Variants in KLHL36 observed in about 807,000 individuals in gnomAD.
The protein encoded by KLHL36 is kelch like family member 36, also known as kelch-like protein 36.
Under a neutral mutation model 53.3 loss-of-function variants are expected in KLHL36, and 35 were observed. The ratio of observed to expected loss-of-function variants is 0.66; its 90% CI spans 0.50 to 0.87. KLHL36 has a LOEUF of 0.87. KLHL36 is among the 40% of genes least tolerant of loss of function. The pLI is 0.00. For missense variants in KLHL36, 864 were observed against 897.6 expected, an observed-to-expected ratio of 0.96 and a Z score of 0.48; for synonymous variants, 472 against 398.9, an observed-to-expected ratio of 1.18 and a Z score of -2.18.
At position 84,661,507 on chromosome 16, in the gene KLHL36, C is replaced by A. The variant is rs1294334988; in HGVS notation, c.1296-71C>A. ...TGGCCCTCTAAGACGGCAGGCTGTT[C>A]CCCGGCTCGGAGGGGGTAAGCCTGG... On this transcript the variant is annotated intron_variant, in intron 4 of 4. Transcript: ENST00000564996. This position sits in a 1 kb window ranked among gnomAD's most constrained non-coding sequence, Gnocchi z 7.9. 4 of 1,455,964 alleles carry A rather than the reference C, an allele frequency of 2.7e-6. No homozygotes were observed. The Admixed American group carries it at 8.7e-5, about 32-fold the overall frequency. The allele number at this position is 1,455,964 out of a possible 1,614,324, so 90.2% of individuals were successfully genotyped here.
chr16:84,656,884 C>G lies in KLHL36; in HGVS notation c.77C>G (p.Ala26Gly). 1 of 1,608,112 alleles carries G rather than the reference C, an allele frequency of 6.2e-7. No homozygotes were observed. The highest frequency in any genetic ancestry group is 8.5e-7 in the Non-Finnish European group (1 of 1,176,996). The change falls in exon 3 of 5, where the codon GCC becomes GGC. Residue 26 changes from alanine (A) to glycine (G), a missense_variant. Ala to Gly is a moderately conservative substitution (Grantham distance 60). Transcript: ENST00000564996. The part of the protein sequence containing the change: ...ISESSKVYRW[A>G]DHSSTVLQRL... The stretch of plus-strand genomic sequence containing the variant: ...TTCTCTGTCCAGGTATACCGCTGGG[C>G]CGACCACTCAAGCACGGTGCTGCAG...
intron 2 of KLHL36, among the ~76,000 whole-genome samples, chr16:84,651,606 C>T (rs942324844): frequency 6.6e-6 from 1 of 152,134 alleles, no homozygotes; most frequent in Non-Finnish European, 1.5e-5. Flanking sequence ...TATAAATATT[C>T]GTAATGCCCT....
rs371824599 is a variant in KLHL36, at chr16:84,657,360, C to T, written c.553C>T (p.Leu185=). The T allele has an allele frequency of 5.3e-5, 85 of 1,611,744 alleles. 1 individual carries two copies. The highest frequency in any genetic ancestry group is 6.8e-5 in the Non-Finnish European group (80 of 1,180,036). Residue 185 remains leucine (L), a synonymous_variant, in exon 3 of 5, where the codon CTG becomes TTG. Coordinates refer to ENST00000564996, the MANE Select transcript of KLHL36 (RefSeq NM_024731.4). ...CACGCTGTCCTTTACGCCCGACTTC[C>T]TGCAGAACGTCTCCATGCAGAAGCT... The part of the protein sequence containing the change: ...FGTLSFTPDF[L]QNVSMQKLCV...
In KLHL36 at chr16:84,657,914, G is replaced by A. The variant is rs1907320354; in HGVS notation, c.1107G>A (p.Arg369=). Residue 369 remains arginine (R), a synonymous_variant, in exon 3 of 5, where the codon AGG becomes AGA. Coordinates refer to ENST00000564996, the MANE Select transcript of KLHL36 (RefSeq NM_024731.4). ...ATGCGGCCTCCAATCTTCTTTATAGGTATGACCCCCGCTGTAAACAGTGGA... is the reference window on the plus strand; with the variant it reads ...ATGCGGCCTCCAATCTTCTTTATAGATATGACCCCCGCTGTAAACAGTGGA... ...GGDAASNLLY[R]YDPRCKQWIK... The A allele has an allele frequency of 6.5e-7, 1 of 1,536,106 alleles. No individual in the cohort carries two copies. Among genetic ancestry groups the A allele is most frequent in the Admixed American group, 2.1e-5 (1 of 48,302 alleles).
intron 2 of KLHL36, among the ~76,000 whole-genome samples, chr16:84,652,593 A>G (rs377517142): frequency 1.8e-4 from 28 of 152,274 alleles, no homozygotes; most frequent in African/African-American, 6.7e-4. Context: ...TATTTTTAAA[A>G]AGTGTACCCA....
rs7184873 is a variant in KLHL36 at position 84,662,779 on chromosome 16, A to G, written c.*646A>G. The G allele has an allele frequency of 0.63, 95,866 of 152,080 alleles. 30,447 individuals carry two copies. Among genetic ancestry groups the G allele is most frequent in the South Asian group, 0.66 (3,166 of 4,824 alleles). 9.4% of individuals were successfully genotyped at this position (152,080 alleles called of 1,614,324 possible). A position where few individuals can be genotyped will look rare whatever the true frequency, so the allele number is the denominator to read the frequency against. On this transcript the variant is annotated 3_prime_UTR_variant, in exon 5 of 5. Coordinates refer to ENST00000564996, the MANE Select transcript of KLHL36 (RefSeq NM_024731.4). ...AGCTCGCTAGACTGTCAGATGAGACATGATGACTTCCCGCTGGGGAGCTGT... is the reference window on the plus strand; with the variant it reads ...AGCTCGCTAGACTGTCAGATGAGACGTGATGACTTCCCGCTGGGGAGCTGT...
At chr16:84,652,648 T>C (rs997918164) in intron 2 of KLHL36, among the ~76,000 whole-genome samples, 1 of 152,168 alleles carries the variant, frequency 6.6e-6, no homozygotes, top group African/African-American at 2.4e-5. Flanking sequence ...AGCACCCAGA[T>C]GGGTAAAAAA....
In KLHL36 at chr16:84,656,974, G is replaced by A. The variant is rs750849986; in HGVS notation, c.167G>A (p.Arg56His). ...GTCGTCCTGGTGGCCGATGAGCAGC[G>A]TGTGCCAGCCCATCGCAACCTGCTG... is the stretch of plus-strand genomic sequence containing the variant. Reference protein sequence around the residue: ...CDVVLVADEQRVPAHRNLLAV... With the variant: ...CDVVLVADEQHVPAHRNLLAV... The change falls in exon 3 of 5, where the codon CGT becomes CAT. Residue 56 changes from arginine (R) to histidine (H), a missense_variant. Arg to His is a conservative substitution (Grantham distance 29). Transcript: ENST00000564996. 1.4e-5 allele frequency: 23 copies of A among 1,613,942 alleles called. No individual in the cohort carries two copies. Among genetic ancestry groups the A allele is most frequent in the South Asian group, 8.8e-5 (8 of 91,090 alleles).
rs759836749 is a variant in KLHL36 at position 84,657,412 on chromosome 16, T to C, written c.605T>C (p.Val202Ala). 6.2e-7 allele frequency: 1 copy of C among 1,606,650 alleles called. No individual in the cohort carries two copies. Among genetic ancestry groups the C allele is most frequent in the Non-Finnish European group, 8.5e-7 (1 of 1,179,976 alleles). Residue 202 changes from valine to alanine, a missense_variant, in exon 3 of 5, where the codon GTG (valine) becomes GCG (alanine). Physicochemically the swap from Val to Ala is moderately conservative, Grantham distance 64 (BLOSUM62 0). Transcript: ENST00000564996. Reference sequence around the variant, plus strand: ...TGTGTCTACCTGAGCAGCAGCGAGGTGCAGCGGGAGTGTGAGCACGACCTC... The same window carrying C: ...TGTGTCTACCTGAGCAGCAGCGAGGCGCAGCGGGAGTGTGAGCACGACCTC... ...KLCVYLSSSE[V>A]QRECEHDLLQ...
chr16:84,653,286 C>T (rs1002812841), intron 2 of KLHL36, among the ~76,000 whole-genome samples: 1 of 152,128 alleles, frequency 6.6e-6, no homozygotes, highest in African/African-American at 2.4e-5. Flanking sequence ...GTACCTGCCG[C>T]CTCCTCCCAG....
At position 84,659,801 on chromosome 16, in the gene KLHL36, C is replaced by T. The variant is rs576234334; in HGVS notation, c.1179C>T (p.Ala393=). The T allele has an allele frequency of 2.5e-6, 4 of 1,614,202 alleles. No individual in the cohort carries two copies. The highest frequency in any genetic ancestry group is 2.2e-5 in the East Asian group (1 of 44,884). ...MNQRRVDFYL[A]SIEDMLVAIG... is the part of the protein sequence containing the mutation. ...AGCGCCGTGTGGATTTCTACCTTGC[C>T]TCCATCGAAGACATGCTGGTGGCCA... is the stretch of plus-strand genomic sequence containing the variant. The change falls in exon 4 of 5, where the codon GCC becomes GCT. Residue 393 remains alanine (A), a synonymous_variant. Transcript: ENST00000564996.
chr16:84,657,343 C>G lies in KLHL36; in HGVS notation c.536C>G (p.Ser179Cys). The part of the protein sequence containing the change: ...GFILNHFGTL[S>C]FTPDFLQNVS... ...ATCCTGAACCACTTCGGCACGCTGT[C>G]CTTTACGCCCGACTTCCTGCAGAAC... The change falls in exon 3 of 5, where the codon TCC (serine) becomes TGC (cysteine). Residue 179 changes from serine to cysteine, a missense_variant. Coordinates refer to ENST00000564996, the MANE Select transcript of KLHL36 (RefSeq NM_024731.4). 1.2e-6 allele frequency: 2 copies of G among 1,612,934 alleles called. No individual in the cohort carries two copies. Among genetic ancestry groups the G allele is most frequent in the African/African-American group, 2.7e-5 (2 of 75,054 alleles).
rs776638652 is a variant in KLHL36 at position 84,661,806 on chromosome 16, G to T, written c.1524G>T (p.Met508Ile). ...IGGSDDNIES[M>I]ERFDVLGVEA... ...GCAGCGATGACAACATCGAGTCCAT[G>T]GAGCGCTTCGACGTGCTGGGCGTGG... Residue 508 changes from methionine to isoleucine, a missense_variant, in exon 5 of 5, where the codon ATG becomes ATT. By Grantham distance (10) the Met-to-Ile change is conservative (BLOSUM62 1). Transcript: ENST00000564996. The surrounding 1 kb of genome is among the most constrained non-coding windows in gnomAD (Gnocchi z 7.9). The T allele has an allele frequency of 5.0e-6, 8 of 1,610,678 alleles. No individual in the cohort carries two copies. The East Asian group carries it at 1.6e-4, about 31-fold the overall frequency.
At chr16:84,656,761 T>A (rs1415437979) in intron 2 of KLHL36, 110 bp from the exon 3 acceptor site, 5 of 755,690 alleles carry the variant, frequency 6.6e-6, no homozygotes, top group Non-Finnish European at 1.1e-5. Flanking sequence ...AGCATTTTAT[T>A]TCCTGTTTTC....
chr16:84,651,062 G>A (rs1436666017), intron 2 of KLHL36, 132 bp downstream of exon 2: 1 of 691,156 alleles, frequency 1.4e-6, no homozygotes, highest in Non-Finnish European at 2.4e-6. Context: ...GACAAGTAAA[G>A]GTGGAAACGG....
intron 1 of KLHL36, among the ~76,000 whole-genome samples, chr16:84,649,939 A>G (rs1178430174): frequency 6.6e-6 from 1 of 151,988 alleles, no homozygotes; most frequent in Non-Finnish European, 1.5e-5. Flanking sequence ...GTTCCCTTCC[A>G]TCTTTGAAGC....
chr16:84,649,847 G>A (rs1906731212), intron 1 of KLHL36, among the ~76,000 whole-genome samples: 1 of 151,282 alleles, frequency 6.6e-6, no homozygotes, highest in Non-Finnish European at 1.5e-5. Context: ...AACTCAAATA[G>A]CGGGGGAAAA....
At position 84,650,837 on chromosome 16, in the gene KLHL36, C is replaced by G; in HGVS notation, c.-16-15C>G. ...AGTTATGACTGCATGCTCAGAAATCCTGTTCTTCTCCTAGGGCTGAAATCT... is the reference window on the plus strand; with the variant it reads ...AGTTATGACTGCATGCTCAGAAATCGTGTTCTTCTCCTAGGGCTGAAATCT... On this transcript the variant is annotated splice_polypyrimidine_tract_variant and intron_variant, in intron 1 of 4. Transcript: ENST00000564996. The G allele has an allele frequency of 1.3e-6, 2 of 1,594,870 alleles. No homozygotes were observed. Among genetic ancestry groups the G allele is most frequent in the Non-Finnish European group, 8.6e-7 (1 of 1,164,882 alleles).
At chr16:84,659,970 T>G in intron 4 of KLHL36, 53 bp downstream of exon 4, 1 of 1,542,764 alleles carries the variant, frequency 6.5e-7, no homozygotes, top group South Asian at 1.2e-5. Context: ...TTAAGGGACA[T>G]AGTTCAGTCC....
Sources: gnomAD v4.1 joint callset for allele counts (sites outside exome capture counted in the v4.1 genomes callset) on GRCh38, gnomAD v4.1.1 for gene constraint, Gnocchi (gnomAD v3.1) non-coding constraint, MANE v1.5 for transcripts, NCBI Gene and HGNC (gene_info 2026-07-23, HGNC 2026-07-21) for gene names.